The following CACNB2 variants were observed in gnomAD, a reference collection of about 807,000 sequenced individuals.
CACNB2 encodes voltage-dependent L-type calcium channel subunit beta-2.
Under a neutral mutation model 73.3 loss-of-function variants are expected in CACNB2, and 42 were observed. That is an observed-to-expected ratio of 0.57 (90% CI 0.45 to 0.74). The LOEUF is 0.74. Among genes scored for constraint, CACNB2 ranks in the 30% least tolerant of loss-of-function variants. The pLI, the probability that CACNB2 is intolerant of heterozygous loss-of-function variation, is 0.00. For missense variants in CACNB2, 940 were observed against 853.0 expected (o/e 1.10, Z -1.27); for synonymous variants, 348 against 310.3 (o/e 1.12, Z -1.28).
chr10:18,539,193 C>G (rs1415887544), intron 13 of CACNB2, 37 bp from the exon 14 acceptor site: 1 of 1,613,440 alleles, frequency 6.2e-7, no homozygotes, highest in African/African-American at 1.3e-5. Flanking sequence ...TACACACTGA[C>G]CTTGGTTAAC....
At chr10:18,211,521 T>TCTTTCCTA (rs2035316333) in intron 2 of CACNB2, among the ~76,000 whole-genome samples, 1 of 152,226 alleles carries the variant, frequency 6.6e-6, no homozygotes, top group Non-Finnish European at 1.5e-5. Context: ...TGTGTAGCAC[T>TCTTTCCTA]CTTTCCTACT....
At chr10:18,485,758 AG>A (rs1296439624) in intron 3 of CACNB2, among the ~76,000 whole-genome samples, 1 of 151,516 alleles carries the variant, frequency 6.6e-6, no homozygotes, top group African/African-American at 2.4e-5. Context: ...CCTGGTTCCT[AG>A]GTCTACTAAA....
At chr10:18,457,369 C>T (rs1004662054) in intron 3 of CACNB2, among the ~76,000 whole-genome samples, 2 of 152,062 alleles carry the variant, frequency 1.3e-5, no homozygotes, top group African/African-American at 4.8e-5. Flanking sequence ...GAATTACAGG[C>T]ATGAGCCACC....
chr10:18,226,625 G>A (rs947477669), intron 2 of CACNB2, among the ~76,000 whole-genome samples: 2 of 152,102 alleles, frequency 1.3e-5, no homozygotes, highest in South Asian at 2.1e-4. Flanking sequence ...TGAGCGTGTG[G>A]CCGTATGATC....
rs2041941031 is a variant in CACNB2, at chr10:18,356,948, T to TTTTTTC, written c.214-44971_214-44970insCTTTTT. On this transcript the variant is annotated intron_variant, in intron 2 of 13. Coordinates refer to ENST00000324631, the MANE Select transcript of CACNB2 (RefSeq NM_201596.3). ...CCTGGCCCAGACTCAATTTCTTTTT[T>TTTTTTC]TTTTTTTTTTTTTTGAGACGGAGTT... 1.6e-4 allele frequency among the ~76,000 whole-genome samples: 15 copies of TTTTTTC among 92,760 alleles called. No individual in the cohort carries two copies. In the South Asian group the frequency reaches 3.6e-3, roughly 23 times the overall value. The allele number at this position is 92,760 out of a possible 152,430, so 60.9% of individuals were successfully genotyped here. A position where few individuals can be genotyped will look rare whatever the true frequency, so the allele number is the denominator to read the frequency against.
rs905268323 is a variant in CACNB2 at position 18,228,439 on chromosome 10, A to AAAAAAAAAAAG, written c.213+77475_213+77485dup. ...CAAGAGCAAAACTCTACCTCAAAAA[A>AAAAAAAAAAAG]AAAAAAAAAAGAAAAAAAAAAAGAA... On this transcript the variant is annotated intron_variant, in intron 2 of 13. Coordinates refer to ENST00000324631, the MANE Select transcript of CACNB2 (RefSeq NM_201596.3). Among the ~76,000 whole-genome samples the AAAAAAAAAAAG allele has an allele frequency of 4.0e-5, 6 of 149,050 alleles. 2 individuals carry two copies. Among genetic ancestry groups the AAAAAAAAAAAG allele is most frequent in the Admixed American group, 6.7e-5 (1 of 15,032 alleles).
intron 2 of CACNB2, among the ~76,000 whole-genome samples, chr10:18,156,880 A>G (rs867324874): frequency 2.0e-5 from 3 of 151,490 alleles, no homozygotes; most frequent in African/African-American, 4.9e-5. Flanking sequence ...AGTAGAAAAA[A>G]AAAAAAAAAT....
intron 2 of CACNB2, among the ~76,000 whole-genome samples, chr10:18,242,762 A>G (rs1288949591): frequency 6.6e-6 from 1 of 151,828 alleles, no homozygotes; most frequent in African/African-American, 2.4e-5. Context: ...AGGCAGGTGG[A>G]TCACGAGGTC....
At chr10:18,493,905 C>G (rs1284128776) in intron 3 of CACNB2, among the ~76,000 whole-genome samples, 1 of 152,168 alleles carries the variant, frequency 6.6e-6, no homozygotes, top group Non-Finnish European at 1.5e-5. Flanking sequence ...TCCCCCGCAT[C>G]CCTTGACTGT....
At chr10:18,285,770 T>G (rs2038760301) in intron 2 of CACNB2, among the ~76,000 whole-genome samples, 1 of 152,220 alleles carries the variant, frequency 6.6e-6, no homozygotes, top group Non-Finnish European at 1.5e-5. Flanking sequence ...CATTTTTTTG[T>G]TTTTGCTTTT....
chr10:18,371,483 T>A (rs944107098), intron 2 of CACNB2, among the ~76,000 whole-genome samples: 2 of 152,218 alleles, frequency 1.3e-5, no homozygotes, highest in African/African-American at 4.8e-5. Flanking sequence ...CTTGCGATAG[T>A]TTGCTGAGAA....
At chr10:18,380,410 C>G (rs561606716) in intron 2 of CACNB2, among the ~76,000 whole-genome samples, 2 of 148,518 alleles carry the variant, frequency 1.3e-5, no homozygotes, top group Non-Finnish European at 3.0e-5. Context: ...TCTTTACTTT[C>G]TAAAGTAAAT....
chr10:18,453,091 T>G (rs940363500), intron 3 of CACNB2, among the ~76,000 whole-genome samples: 4 of 152,202 alleles, frequency 2.6e-5, no homozygotes, highest in Non-Finnish European at 4.4e-5. Flanking sequence ...TCTCTGCTGC[T>G]ACCTCATTAG....
intron 2 of CACNB2, among the ~76,000 whole-genome samples, chr10:18,226,877 A>G (rs2036012921): frequency 6.6e-6 from 1 of 152,088 alleles, no homozygotes; most frequent in South Asian, 2.1e-4. Flanking sequence ...GTCTGCGGTT[A>G]TTGGTGTCTC....
chr10:18,536,246 T>TCC (rs2053571213), intron 12 of CACNB2, 50 bp downstream of exon 12: 1 of 437,372 alleles, frequency 2.3e-6, no homozygotes, highest in East Asian at 4.2e-5. Context: ...ATCAGACCTT[T>TCC]TTTTTTTTTT....
intron 1 of CACNB2, among the ~76,000 whole-genome samples, chr10:18,146,391 C>A (rs1180716585): frequency 6.7e-6 from 1 of 149,184 alleles, no homozygotes; most frequent in Non-Finnish European, 1.5e-5. Context: ...CTCACTGTAA[C>A]CTCCACCTTC....
At chr10:18,293,259 T>C (rs898954916) in intron 2 of CACNB2, among the ~76,000 whole-genome samples, 1 of 152,234 alleles carries the variant, frequency 6.6e-6, no homozygotes, top group African/African-American at 2.4e-5. Flanking sequence ...ATTGTTATCG[T>C]TGATTCTTCA....
intron 2 of CACNB2, among the ~76,000 whole-genome samples, chr10:18,155,893 C>G (rs1564301444): frequency 4.2e-5 from 3 of 70,802 alleles, no homozygotes; most frequent in African/African-American, 1.5e-4. Flanking sequence ...AGAGAGAGAA[C>G]ATATTATATA....
chr10:18,379,008 G>C (rs1037364532), intron 2 of CACNB2, among the ~76,000 whole-genome samples: 3 of 152,094 alleles, frequency 2.0e-5, no homozygotes, highest in Non-Finnish European at 2.9e-5. Flanking sequence ...TCTTCCAGCA[G>C]ACTTTTATTG....
Sources: gnomAD v4.1 joint callset for allele counts (sites outside exome capture counted in the v4.1 genomes callset) on GRCh38, gnomAD v4.1.1 for gene constraint, MANE v1.5 for transcripts, NCBI Gene and HGNC (gene_info 2026-07-23, HGNC 2026-07-21) for gene names.